DNER: variants seen among roughly 807,000 people sequenced by gnomAD.
DNER encodes the protein delta and Notch-like epidermal growth factor-related receptor.
DNER carries 33 observed loss-of-function variants against 78.2 expected under a neutral mutation model. That is an observed-to-expected ratio of 0.42 (90% CI 0.32 to 0.56). DNER has a LOEUF of 0.56. Among genes scored for constraint, DNER ranks in the 20% least tolerant of loss-of-function variants. The pLI is 0.11. For synonymous variants in DNER, 417 were observed against 384.8 expected, an observed-to-expected ratio of 1.08 and a Z score of -0.98; for missense variants, 918 against 975.3, an observed-to-expected ratio of 0.94 and a Z score of 0.78.
At chr2:229,651,638 T>C (rs964723887) in intron 1 of DNER, among the ~76,000 whole-genome samples, 10 of 152,210 alleles carry the variant, frequency 6.6e-5, no homozygotes, top group African/African-American at 2.4e-4. Flanking sequence ...TAACTCAGCC[T>C]GGAGCAAGTG....
At chr2:229,546,794 T>C (rs1270693973) in intron 5 of DNER, among the ~76,000 whole-genome samples, 153 bp downstream of exon 5, 3 of 144,218 alleles carry the variant, frequency 2.1e-5, no homozygotes, top group South Asian at 2.2e-4. Flanking sequence ...GACAGATAGA[T>C]AGATAGATAG....
intron 6 of DNER, among the ~76,000 whole-genome samples, chr2:229,499,789 A>G (rs150406202): frequency 3.9e-5 from 6 of 152,326 alleles, no homozygotes; most frequent in Non-Finnish European, 7.3e-5. Context: ...TACAACCTGC[A>G]GAATAAGAGA....
chr2:229,683,433 C>A (rs1477137885), intron 1 of DNER, among the ~76,000 whole-genome samples: 1 of 151,902 alleles, frequency 6.6e-6, no homozygotes, highest in Non-Finnish European at 1.5e-5. Flanking sequence ...TTGTGAATGT[C>A]AAAGAAAATG....
intron 1 of DNER, among the ~76,000 whole-genome samples, chr2:229,654,000 G>A (rs574259236): frequency 1.1e-3 from 165 of 152,252 alleles, no homozygotes; most frequent in Non-Finnish European, 2.0e-3. Flanking sequence ...AAGTTCTGTG[G>A]TACATATGCA....
At chr2:229,697,261 T>C (rs866540982) in intron 1 of DNER, among the ~76,000 whole-genome samples, 9 of 152,196 alleles carry the variant, frequency 5.9e-5, no homozygotes, top group Non-Finnish European at 1.0e-4. Context: ...AGTCACATAA[T>C]GGATTACTCC....
intron 1 of DNER, among the ~76,000 whole-genome samples, chr2:229,626,172 G>T (rs937467306): frequency 6.6e-6 from 1 of 152,156 alleles, no homozygotes; most frequent in Non-Finnish European, 1.5e-5. Flanking sequence ...GCCTGCCTCG[G>T]CCTCCCAAAG....
At chr2:229,600,245 T>C (rs1237193282) in intron 1 of DNER, among the ~76,000 whole-genome samples, 1 of 152,236 alleles carries the variant, frequency 6.6e-6, no homozygotes, top group Non-Finnish European at 1.5e-5. Context: ...CAGCCACCTG[T>C]TTATGTGCTG....
At chr2:229,411,835 C>A (rs1693527932) in intron 9 of DNER, among the ~76,000 whole-genome samples, 1 of 151,876 alleles carries the variant, frequency 6.6e-6, no homozygotes, top group Non-Finnish European at 1.5e-5. Flanking sequence ...GTGAGCAGAA[C>A]AATATAAAAT....
intron 4 of DNER, among the ~76,000 whole-genome samples, chr2:229,563,999 C>T (rs1294460971): frequency 1.4e-5 from 2 of 147,438 alleles, no homozygotes; most frequent in African/African-American, 2.5e-5. Flanking sequence ...TCATCATCCT[C>T]ACCCCATCAC....
chr2:229,663,199 G>A (rs2154216625), intron 1 of DNER, among the ~76,000 whole-genome samples: 1 of 152,234 alleles, frequency 6.6e-6, no homozygotes, highest in Non-Finnish European at 1.5e-5. Flanking sequence ...GCTCTTCTTT[G>A]ATCCACCAAA....
At chr2:229,702,306 G>T (rs766718741) in intron 1 of DNER, among the ~76,000 whole-genome samples, 1 of 150,456 alleles carries the variant, frequency 6.6e-6, no homozygotes, top group Admixed American at 6.6e-5. Flanking sequence ...AGGTCAAGGC[G>T]GGAGGATCAC....
chr2:229,631,293 T>G (rs2154215766), intron 1 of DNER, among the ~76,000 whole-genome samples: 1 of 152,328 alleles, frequency 6.6e-6, no homozygotes, highest in African/African-American at 2.4e-5. Flanking sequence ...GCATGGGGCT[T>G]GCCCCAGGTG....
chr2:229,694,540 G>T (rs1374987496), intron 1 of DNER, among the ~76,000 whole-genome samples: 1 of 152,240 alleles, frequency 6.6e-6, no homozygotes, highest in African/African-American at 2.4e-5. Flanking sequence ...GGCCATGGAA[G>T]CCCACCTCTT....
intron 4 of DNER, among the ~76,000 whole-genome samples, chr2:229,582,039 G>A (rs1265070531): frequency 2.6e-5 from 4 of 152,138 alleles, no homozygotes; most frequent in South Asian, 2.1e-4. Flanking sequence ...GAAACACAGC[G>A]ACATAATTCT....
At chr2:229,369,970 C>T (rs567908883) in intron 11 of DNER, among the ~76,000 whole-genome samples, 3 of 152,288 alleles carry the variant, frequency 2.0e-5, no homozygotes, top group South Asian at 2.1e-4. Context: ...ATTCCAAGTG[C>T]CTGCAAATGA....
intron 11 of DNER, among the ~76,000 whole-genome samples, chr2:229,379,238 T>C (rs1692680416): frequency 6.6e-6 from 1 of 152,142 alleles, no homozygotes; most frequent in Non-Finnish European, 1.5e-5. Flanking sequence ...GGTATAGTAG[T>C]ACAGAAAAAA....
chr2:229,469,199 G>A (rs759797), intron 7 of DNER, among the ~76,000 whole-genome samples: 53,896 of 151,984 alleles, frequency 0.35, 10,242 homozygotes, highest in South Asian at 0.44. Context: ...TCCTCAACGA[G>A]CCCAGAGCCC....
intron 1 of DNER, among the ~76,000 whole-genome samples, chr2:229,703,356 C>G (rs558199785): frequency 6.6e-6 from 1 of 151,956 alleles, no homozygotes; most frequent in Non-Finnish European, 1.5e-5. Flanking sequence ...AAAAAAAGAA[C>G]GAAAACTACC....
chr2:229,430,525 TAGCCTCCC>T (rs1693980403), intron 8 of DNER, among the ~76,000 whole-genome samples: 1 of 152,108 alleles, frequency 6.6e-6, no homozygotes, highest in South Asian at 2.1e-4. Flanking sequence ...GACTGTGACC[TAGCCTCCC>T]AGCCTACATC....
Sources: gnomAD v4.1 joint callset for allele counts (sites outside exome capture counted in the v4.1 genomes callset) on GRCh38, gnomAD v4.1.1 for gene constraint, MANE v1.5 for transcripts, NCBI Gene and HGNC (gene_info 2026-07-23, HGNC 2026-07-21) for gene names.